RSPO3: variants seen among roughly 807,000 people sequenced by gnomAD.
The protein encoded by RSPO3 is R-spondin-3.
Under a neutral mutation model 36.5 loss-of-function variants are expected in RSPO3, and 17 were observed. That is an observed-to-expected ratio of 0.47 (90% CI 0.32 to 0.70). RSPO3 has a LOEUF of 0.70. Ranked by LOEUF, RSPO3 falls within the 30% of genes least tolerant of loss-of-function variation. The probability of loss-of-function intolerance (pLI) is 0.04; values close to 1 mark genes in which losing one functional copy is unlikely to be tolerated. For missense variants in RSPO3, 294 were observed against 322.5 expected, an observed-to-expected ratio of 0.91 and a Z score of 0.68; for synonymous variants, 108 against 107.0, an observed-to-expected ratio of 1.01 and a Z score of -0.06.
chr6:127,166,672 A>G (rs1402084333), intron 4 of RSPO3, among the ~76,000 whole-genome samples: 1 of 152,032 alleles, frequency 6.6e-6, no homozygotes, highest in African/African-American at 2.4e-5. Flanking sequence ...CAAACATTTG[A>G]TGGATAAACC....
At chr6:127,181,784 C>A (rs1479705836) in intron 4 of RSPO3, among the ~76,000 whole-genome samples, 2 of 151,902 alleles carry the variant, frequency 1.3e-5, no homozygotes, top group Non-Finnish European at 2.9e-5. Flanking sequence ...ACTACTCTTT[C>A]TCCTAAATAT....
At position 127,155,215 on chromosome 6, in the gene RSPO3, A is replaced by G. The variant is rs114116244; in HGVS notation, c.437-26A>G. 3.2e-4 allele frequency: 516 copies of G among 1,609,938 alleles called. No individual in the cohort carries two copies. In the African/African-American group the frequency reaches 5.1e-3, roughly 16 times the overall value. ...AGTGAAAGTGGTTGTAAGCCAGCTG[A>G]GTCTGTTTCTTCTGTTCTGTTTCAG... On this transcript the variant is annotated intron_variant, in intron 3 of 4. Transcript: ENST00000356698.
Position 127,119,266 on chromosome 6 carries a change from C to A in RSPO3, c.74C>A (p.Ser25Tyr). ...FMEYIGSQNA[S>Y]RGRRQRRMHP... ...GAATACATCGGCAGCCAAAACGCCT[C>A]CCGGGGAAGGCGCCAGCGAAGAAGT... is the stretch of plus-strand genomic sequence containing the variant. Residue 25 changes from serine to tyrosine, a missense_variant, in exon 1 of 5, where the codon TCC (serine) becomes TAC (tyrosine). Physicochemically the swap from Ser to Tyr is moderately radical, Grantham distance 144 (BLOSUM62 -2). This residue lies in a region of RSPO3 where 61 missense variants were observed against 51.3 expected (regional missense o/e 1.19). Transcript: ENST00000356698. 6.2e-7 allele frequency: 1 copy of A among 1,612,748 alleles called. No homozygotes were observed. Among genetic ancestry groups the A allele is most frequent in the Non-Finnish European group, 8.5e-7 (1 of 1,179,264 alleles).
At chr6:127,132,853 TTGAC>T (rs2114551655) in intron 1 of RSPO3, among the ~76,000 whole-genome samples, 1 of 152,208 alleles carries the variant, frequency 6.6e-6, no homozygotes, top group South Asian at 2.1e-4. Context: ...AGAAACTTCA[TTGAC>T]TGAATTTCAA....
intron 4 of RSPO3, among the ~76,000 whole-genome samples, chr6:127,180,751 T>A (rs1462264755): frequency 6.6e-6 from 1 of 151,826 alleles, no homozygotes; most frequent in African/African-American, 2.4e-5. Flanking sequence ...CACTCAGCTG[T>A]TTTATAGTTT....
At chr6:127,149,323 T>C (rs1774444940) in intron 2 of RSPO3, among the ~76,000 whole-genome samples, 1 of 152,070 alleles carries the variant, frequency 6.6e-6, no homozygotes, top group South Asian at 2.1e-4. Flanking sequence ...TTCTCAAAAA[T>C]GTAAATTAGG....
At chr6:127,158,043 AT>A (rs1035725614) in intron 4 of RSPO3, among the ~76,000 whole-genome samples, 40 of 151,124 alleles carry the variant, frequency 2.6e-4, no homozygotes, top group African/African-American at 8.7e-4. Context: ...TATAATAAAA[AT>A]ATCTTGAAAA....
At chr6:127,143,899 T>C (rs2503109) in intron 1 of RSPO3, among the ~76,000 whole-genome samples, 85,847 of 152,016 alleles carry the variant, frequency 0.56, 24,293 homozygotes, top group African/African-American at 0.62. Flanking sequence ...ACCAAGTGTT[T>C]TGGTTCCATT....
chr6:127,119,458 C>A (rs1275865667), intron 1 of RSPO3, among the ~76,000 whole-genome samples, 169 bp downstream of exon 1: 1 of 152,216 alleles, frequency 6.6e-6, no homozygotes, highest in African/African-American at 2.4e-5. Flanking sequence ...TTCACCCTTG[C>A]CTCTCGGCGC....
intron 4 of RSPO3, among the ~76,000 whole-genome samples, chr6:127,175,008 T>C (rs1184702722): frequency 6.6e-6 from 1 of 151,738 alleles, no homozygotes; most frequent in African/African-American, 2.4e-5. Flanking sequence ...ACTTTAAGCA[T>C]AGATGCATGA....
At chr6:127,194,850 T>G (rs1373654820) in intron 4 of RSPO3, among the ~76,000 whole-genome samples, 1 of 152,216 alleles carries the variant, frequency 6.6e-6, no homozygotes, top group African/African-American at 2.4e-5. Context: ...AGTATACATG[T>G]GATAAATATC....
rs946157293 is a variant in RSPO3, at chr6:127,197,490, G to T, written c.*1483G>T. ...TCACAGAGGACACAGCCCACCCCTT[G>T]CAGGAGGAGGTATCTCTGAGTGTGC... On this transcript the variant is annotated 3_prime_UTR_variant, in exon 5 of 5. Transcript: ENST00000356698. 7.7e-6 allele frequency: 12 copies of T among 1,550,464 alleles called. No individual in the cohort carries two copies. In the African/African-American group the frequency reaches 1.6e-4, roughly 21 times the overall value.
intron 3 of RSPO3, among the ~76,000 whole-genome samples, chr6:127,153,563 ATCT>A (rs1774532798): frequency 6.6e-6 from 1 of 152,040 alleles, no homozygotes; most frequent in Non-Finnish European, 1.5e-5. Flanking sequence ...AAAACCTTTC[ATCT>A]TCTGACTATA....
At chr6:127,170,684 G>A (rs1291023752) in intron 4 of RSPO3, among the ~76,000 whole-genome samples, 2 of 151,668 alleles carry the variant, frequency 1.3e-5, no homozygotes, top group Non-Finnish European at 2.9e-5. Flanking sequence ...CATACAATGA[G>A]ATATTATTGT....
At position 127,148,724 on chromosome 6, in the gene RSPO3, G is replaced by A; in HGVS notation, c.174G>A (p.Lys58=). 1 of 1,613,252 alleles carries A rather than the reference G, an allele frequency of 6.2e-7. No individual in the cohort carries two copies. The highest frequency in any genetic ancestry group is 8.5e-7 in the Non-Finnish European group (1 of 1,179,444). Residue 58 remains lysine (K), a synonymous_variant, in exon 2 of 5, where the codon AAG becomes AAA. Transcript: ENST00000356698. ...CSDYNGCLSC[K]PRLFFALERI... Reference sequence around the variant, plus strand: ...ATTACAATGGATGTTTGTCATGTAAGCCCAGACTATTTTTTGCTCTGGAAA... The same window carrying A: ...ATTACAATGGATGTTTGTCATGTAAACCCAGACTATTTTTTGCTCTGGAAA...
intron 1 of RSPO3, among the ~76,000 whole-genome samples, chr6:127,131,239 A>T (rs983860886): frequency 6.6e-6 from 1 of 152,062 alleles, no homozygotes; most frequent in African/African-American, 2.4e-5. Flanking sequence ...ATGTGACCAT[A>T]CCCCAAAGTT....
intron 1 of RSPO3, among the ~76,000 whole-genome samples, chr6:127,145,902 A>C (rs1413956923): frequency 3.3e-5 from 5 of 152,216 alleles, no homozygotes; most frequent in Non-Finnish European, 7.3e-5. Context: ...GTCAATATAG[A>C]CCAAAGTTTT....
At chr6:127,155,479 T>C (rs1161189296) in intron 4 of RSPO3, 41 bp downstream of exon 4, 2 of 1,554,142 alleles carry the variant, frequency 1.3e-6, no homozygotes, top group Admixed American at 3.4e-5. Context: ...TGAATCCTCA[T>C]AATCTGTTGC....
intron 4 of RSPO3, among the ~76,000 whole-genome samples, chr6:127,158,986 T>A (rs1057383804): frequency 6.6e-6 from 1 of 152,158 alleles, no homozygotes; most frequent in South Asian, 2.1e-4. Context: ...TATTATCACA[T>A]GTGTATTGAA....
Sources: gnomAD v4.1 joint callset for allele counts (sites outside exome capture counted in the v4.1 genomes callset) on GRCh38, gnomAD v4.1.1 for gene constraint, gnomAD v4.1.1 regional missense constraint, MANE v1.5 for transcripts, NCBI Gene and HGNC (gene_info 2026-07-23, HGNC 2026-07-21) for gene names.